Variants in MTA3 observed in about 807,000 individuals in gnomAD.
MTA3 encodes metastasis-associated protein MTA3.
In MTA3, 34 loss-of-function variants were observed where a neutral mutation model predicts 83.5. The observed-to-expected ratio is 0.41, with a 90% CI of 0.31 to 0.54. The LOEUF is 0.54. MTA3 is among the 20% of genes least tolerant of loss of function. MTA3 has a pLI of 0.33. For missense variants in MTA3, 761 were observed against 726.4 expected (o/e 1.05, Z -0.55); for synonymous variants, 303 against 252.7 (o/e 1.20, Z -1.89).
At chr2:42,659,677 C>G (rs1221183225) in intron 7 of MTA3, 86 bp from the exon 8 acceptor site, 2 of 952,694 alleles carry the variant, frequency 2.1e-6, no homozygotes, top group Admixed American at 4.2e-5. Context: ...TTTTTATTTA[C>G]TATCCAAATG....
At chr2:42,539,603 A>G (rs1313047366) in intron 2 of MTA3, among the ~76,000 whole-genome samples, 2 of 111,340 alleles carry the variant, frequency 1.8e-5, no homozygotes, top group African/African-American at 3.5e-5. Flanking sequence ...TTTTTTTGAG[A>G]CAGGGTCTTG....
chr2:42,524,944 C>T (rs960934770), intron 2 of MTA3, among the ~76,000 whole-genome samples: 7 of 148,456 alleles, frequency 4.7e-5, no homozygotes, highest in Non-Finnish European at 5.9e-5. Flanking sequence ...GAAGGTGAAG[C>T]GCCTGTGGGT....
intron 2 of MTA3, among the ~76,000 whole-genome samples, chr2:42,519,298 C>G (rs1675302040): frequency 6.6e-6 from 1 of 152,024 alleles, no homozygotes. Flanking sequence ...TCAAAACTGT[C>G]AAGGTTATTA....
chr2:42,602,552 A>G lies in MTA3; in HGVS notation c.191-6906A>G, dbSNP rs140967078. Among the ~76,000 whole-genome samples, 13 of 151,468 alleles carry G rather than the reference A, an allele frequency of 8.6e-5. No homozygotes were observed. The East Asian group carries it at 2.1e-3, about 25-fold the overall frequency. ...AATGTATGAGAACTCCAGTTGGTCT[A>G]TGTTCTTTCAGTCTTTTAAATTTTT... On this transcript the variant is annotated intron_variant, in intron 3 of 16. Transcript: ENST00000405094.
intron 6 of MTA3, among the ~76,000 whole-genome samples, chr2:42,649,113 G>A (rs1392290231): frequency 1.3e-5 from 2 of 152,054 alleles, no homozygotes; most frequent in South Asian, 2.1e-4. Flanking sequence ...AGCTGTTATC[G>A]GCCGGGTGTG....
At chr2:42,556,207 C>G (rs1437100303) in intron 2 of MTA3, among the ~76,000 whole-genome samples, 1 of 152,096 alleles carries the variant, frequency 6.6e-6, no homozygotes, top group Non-Finnish European at 1.5e-5. Context: ...CAGTCTCATT[C>G]TTCTGCTTCT....
rs796147837 is a variant in MTA3, at chr2:42,604,790, C to T, written c.191-4668C>T. On this transcript the variant is annotated intron_variant, in intron 3 of 16. Transcript: ENST00000405094. ...ATTAGGGATTGGTGATGACTCTTAA[C>T]GAGCATGCTGCCTTCAAGCATCTGT... Among the ~76,000 whole-genome samples the T allele has an allele frequency of 2.7e-5, 4 of 148,398 alleles. 1 individual carries two copies. The highest frequency in any genetic ancestry group is 2.0e-4 in the East Asian group (1 of 5,112).
intron 13 of MTA3, among the ~76,000 whole-genome samples, chr2:42,708,405 T>A (rs1666295206): frequency 2.6e-5 from 4 of 152,198 alleles, no homozygotes; most frequent in Admixed American, 2.6e-4. Context: ...AAATTAAGCA[T>A]TTTTTCTCCC....
intron 2 of MTA3, among the ~76,000 whole-genome samples, chr2:42,531,346 C>T (rs910315939): frequency 4.6e-5 from 7 of 151,352 alleles, no homozygotes; most frequent in African/African-American, 1.7e-4. Context: ...CTTTTTCATG[C>T]ATGGTCAAAG....
intron 2 of MTA3, among the ~76,000 whole-genome samples, chr2:42,556,851 G>A (rs1425812804): frequency 1.3e-5 from 2 of 152,144 alleles, no homozygotes; most frequent in Non-Finnish European, 2.9e-5. Context: ...GGAGACTTCA[G>A]GGCCCGTTAG....
At chr2:42,728,994 T>C (rs530281161) in intron 16 of MTA3, among the ~76,000 whole-genome samples, 2 of 151,960 alleles carry the variant, frequency 1.3e-5, no homozygotes, top group Non-Finnish European at 2.9e-5. Flanking sequence ...TTTGGTTGCC[T>C]GTGCCTGTGG....
chr2:42,677,224 A>G (rs1691443187), intron 8 of MTA3, among the ~76,000 whole-genome samples: 1 of 152,222 alleles, frequency 6.6e-6, no homozygotes, highest in South Asian at 2.1e-4. Flanking sequence ...CTGTAACTCA[A>G]TAATTCCCAC....
At chr2:42,505,561 G>A (rs1320812182) in intron 2 of MTA3, among the ~76,000 whole-genome samples, 1 of 151,754 alleles carries the variant, frequency 6.6e-6, no homozygotes, top group Admixed American at 6.6e-5. Flanking sequence ...CCCCCTGGAG[G>A]GAGGAACCAG....
chr2:42,513,756 A>C (rs1406583259), intron 2 of MTA3, among the ~76,000 whole-genome samples: 1 of 152,198 alleles, frequency 6.6e-6, no homozygotes, highest in Non-Finnish European at 1.5e-5. Flanking sequence ...GGAGAACTTA[A>C]AGGGACAGGG....
At chr2:42,588,495 C>T (rs1680595640) in intron 3 of MTA3, among the ~76,000 whole-genome samples, 1 of 152,148 alleles carries the variant, frequency 6.6e-6, no homozygotes. Flanking sequence ...AATGATTTAG[C>T]AGCTGACAAT....
At chr2:42,582,945 C>T (rs1353176552) in intron 3 of MTA3, among the ~76,000 whole-genome samples, 1 of 152,110 alleles carries the variant, frequency 6.6e-6, no homozygotes, top group Non-Finnish European at 1.5e-5. Flanking sequence ...GGTTCAGATT[C>T]TGGTTGGCTG....
At chr2:42,711,515 A>C (rs979029559) in intron 14 of MTA3, among the ~76,000 whole-genome samples, 25 of 152,160 alleles carry the variant, frequency 1.6e-4, no homozygotes, top group African/African-American at 4.6e-4. Flanking sequence ...GTTGTACATA[A>C]TCAGATTCTT....
chr2:42,704,713 G>A (rs1665913894), intron 12 of MTA3, among the ~76,000 whole-genome samples: 1 of 152,150 alleles, frequency 6.6e-6, no homozygotes, highest in Admixed American at 6.5e-5. Flanking sequence ...TGTAGGAAAG[G>A]CCTCTGTGTG....
At chr2:42,514,693 T>TTTTTTTTTTTTTTTTTTTTG in intron 2 of MTA3, among the ~76,000 whole-genome samples, 1 of 129,834 alleles carries the variant, frequency 7.7e-6, no homozygotes, top group African/African-American at 3.0e-5. Flanking sequence ...TTTTTTTTTT[T>TTTTTTTTTTTTTTTTTTTTG]TTTTTTTTTT....
Sources: allele counts gnomAD v4.1 joint callset (sites outside exome capture counted in the v4.1 genomes callset), GRCh38; gene constraint gnomAD v4.1.1; transcripts MANE v1.5; gene names NCBI Gene and HGNC (gene_info 2026-07-23, HGNC 2026-07-21).